GNG7: variants seen among roughly 807,000 people sequenced by gnomAD.
The protein encoded by GNG7 is guanine nucleotide-binding protein G(I)/G(S)/G(O) subunit gamma-7.
GNG7 carries 1 observed loss-of-function variant against 4.0 expected under a neutral mutation model. The observed-to-expected ratio is 0.25, with a 90% CI of 0.09 to 1.18. The LOEUF is 1.18. Ranked by LOEUF, GNG7 falls within the 50% of genes most tolerant of loss-of-function variation. The pLI, the probability that GNG7 is intolerant of heterozygous loss-of-function variation, is 0.50. For synonymous variants in GNG7, 34 were observed against 36.9 expected, an observed-to-expected ratio of 0.92 and a Z score of 0.29; for missense variants, 86 against 91.9, an observed-to-expected ratio of 0.94 and a Z score of 0.26.
chr19:2,674,012 C>T (rs904152369), intron 1 of GNG7, among the ~76,000 whole-genome samples: 2 of 152,234 alleles, frequency 1.3e-5, no homozygotes, highest in South Asian at 2.1e-4. Context: ...GCCTGTAATC[C>T]CAGCACTTTG....
intron 2 of GNG7, among the ~76,000 whole-genome samples, chr19:2,559,196 ATTAT>A (rs1979662043): frequency 6.6e-6 from 1 of 152,024 alleles, no homozygotes; most frequent in Non-Finnish European, 1.5e-5. Flanking sequence ...TTAGATTCTC[ATTAT>A]TTGTGGTAGT....
chr19:2,577,106 G>C (rs2965210), intron 2 of GNG7, among the ~76,000 whole-genome samples: 1 of 152,248 alleles, frequency 6.6e-6, no homozygotes, highest in Non-Finnish European at 1.5e-5. Context: ...GCAAGCTGGG[G>C]CTGTGGGGCA....
chr19:2,633,793 C>T lies in GNG7; in HGVS notation c.-78+12431G>A, dbSNP rs1253239060. On this transcript the variant is annotated intron_variant, in intron 2 of 4. Coordinates refer to ENST00000382159, the MANE Select transcript of GNG7 (RefSeq NM_052847.3). The surrounding 1 kb of genome is among the most constrained non-coding windows in gnomAD (Gnocchi z 5.9). Reference sequence around the variant, plus strand: ...CTCACCCGGGAGGCAGGTTCTTCTGCACCGGGCCTTCTCCCCCCGGCACTG... The same window carrying T: ...CTCACCCGGGAGGCAGGTTCTTCTGTACCGGGCCTTCTCCCCCCGGCACTG... 6.6e-6 allele frequency among the ~76,000 whole-genome samples: 1 copy of T among 152,162 alleles called. No homozygotes were observed. The highest frequency in any genetic ancestry group is 1.9e-4 in the East Asian group (1 of 5,176).
Position 2,611,893 on chromosome 19 carries a change from G to A in GNG7, c.-78+34331C>T, listed in dbSNP as rs12975658. 7 of 145,318 alleles carry A rather than the reference G, an allele frequency of 4.8e-5. No homozygotes were observed. The highest frequency in any genetic ancestry group is 1.5e-4 in the African/African-American group (6 of 39,356). 9.0% of individuals were successfully genotyped at this position (145,318 alleles called of 1,614,324 possible). ...AAAAATAAAAATCTTTTTTTTTTTTGAGATGGAGTCTCGCTCTGTCACCAG... is the reference window on the plus strand; with the variant it reads ...AAAAATAAAAATCTTTTTTTTTTTTAAGATGGAGTCTCGCTCTGTCACCAG... On this transcript the variant is annotated intron_variant, in intron 2 of 4. Transcript: ENST00000382159. This position sits in a 1 kb window ranked among gnomAD's most constrained non-coding sequence, Gnocchi z 6.0.
chr19:2,578,637 G>A (rs1980411564), intron 2 of GNG7, among the ~76,000 whole-genome samples: 1 of 152,168 alleles, frequency 6.6e-6, no homozygotes, highest in African/African-American at 2.4e-5. Flanking sequence ...TTTTCAGCAG[G>A]ACCTCTCCCC....
chr19:2,540,201 A>G (rs1978913382), intron 3 of GNG7, among the ~76,000 whole-genome samples: 1 of 151,400 alleles, frequency 6.6e-6, no homozygotes, highest in African/African-American at 2.4e-5. Flanking sequence ...CCCAGGCTAG[A>G]GTACAGTAGT....
Position 2,633,485 on chromosome 19 carries a change from G to GCACACA in GNG7, c.-78+12738_-78+12739insTGTGTG, listed in dbSNP as rs1294558407. Among the ~76,000 whole-genome samples, 3,264 of 131,722 alleles carry GCACACA rather than the reference G, an allele frequency of 0.025. 53 individuals carry two copies. The highest frequency in any genetic ancestry group is 0.036 in the South Asian group (142 of 3,920). 86.4% of individuals were successfully genotyped at this position (131,722 alleles called of 152,430 possible). A position where few individuals can be genotyped will look rare whatever the true frequency, so the allele number is the denominator to read the frequency against. On this transcript the variant is annotated intron_variant, in intron 2 of 4. Coordinates refer to ENST00000382159, the MANE Select transcript of GNG7 (RefSeq NM_052847.3). This position sits in a 1 kb window ranked among gnomAD's most constrained non-coding sequence, Gnocchi z 5.9. ...CTTAGCAACAGGCGCGCGCGCGCGC[G>GCACACA]CGCACACACACACACACACACACAC... is the stretch of plus-strand genomic sequence containing the variant.
chr19:2,621,322 C>G (rs770141863), intron 2 of GNG7, among the ~76,000 whole-genome samples: 10 of 151,408 alleles, frequency 6.6e-5, no homozygotes, highest in Non-Finnish European at 1.3e-4. Context: ...CCTAGGATTT[C>G]AGGGCTGCAG....
intron 2 of GNG7, among the ~76,000 whole-genome samples, chr19:2,605,234 G>T (rs1282224821): frequency 6.6e-6 from 1 of 152,084 alleles, no homozygotes; most frequent in African/African-American, 2.4e-5. Context: ...GTCTCTCTCT[G>T]TTGCCCAGGT....
chr19:2,670,751 G>A (rs909666093), intron 1 of GNG7, among the ~76,000 whole-genome samples: 11 of 148,112 alleles, frequency 7.4e-5, no homozygotes, highest in Admixed American at 1.3e-4. Context: ...AGGAGCCCTC[G>A]CCCCGCCCCC....
chr19:2,620,260 GGGAGA>G (rs1981833225), intron 2 of GNG7, among the ~76,000 whole-genome samples: 2 of 134,988 alleles, frequency 1.5e-5, no homozygotes, highest in Non-Finnish European at 1.6e-5. Flanking sequence ...GGGAGGGGAG[GGGAGA>G]GGAGAGGACC....
At chr19:2,582,800 C>G (rs189977443) in intron 2 of GNG7, among the ~76,000 whole-genome samples, 157 of 152,018 alleles carry the variant, frequency 1.0e-3, no homozygotes, top group African/African-American at 3.6e-3. Flanking sequence ...TCCCGAGTAG[C>G]TAGGACTGCA....
At chr19:2,658,697 G>A (rs537708582) in intron 1 of GNG7, among the ~76,000 whole-genome samples, 105 of 152,346 alleles carry the variant, frequency 6.9e-4, no homozygotes, top group Non-Finnish European at 1.3e-3. Context: ...CCACGCTTAG[G>A]AGGTCCCTAG....
intron 2 of GNG7, among the ~76,000 whole-genome samples, chr19:2,571,634 C>T (rs28684851): frequency 0.043 from 5,034 of 118,384 alleles, 261 homozygotes; most frequent in African/African-American, 0.13. Context: ...CTTGCTCTGT[C>T]GCCCAGGCTA....
intron 2 of GNG7, among the ~76,000 whole-genome samples, chr19:2,567,906 G>T (rs994895984): frequency 6.6e-6 from 1 of 152,154 alleles, no homozygotes; most frequent in African/African-American, 2.4e-5. Context: ...AGGCATGGAA[G>T]GGAGAGAAGG....
chr19:2,620,080 G>A (rs949134210), intron 2 of GNG7, among the ~76,000 whole-genome samples: 3 of 151,416 alleles, frequency 2.0e-5, no homozygotes, highest in African/African-American at 7.3e-5. Flanking sequence ...GCCTGTATTC[G>A]CAGCTACTTG....
At chr19:2,603,718 G>A (rs1048470240) in intron 2 of GNG7, among the ~76,000 whole-genome samples, 10 of 152,108 alleles carry the variant, frequency 6.6e-5, no homozygotes, top group African/African-American at 2.2e-4. Context: ...TTTATTCACT[G>A]TTCATAGATC....
intron 3 of GNG7, among the ~76,000 whole-genome samples, chr19:2,541,271 A>G (rs1454805801): frequency 6.6e-6 from 1 of 151,954 alleles, no homozygotes; most frequent in Non-Finnish European, 1.5e-5. Context: ...AGGAGTTCAA[A>G]GCCAGCCTGG....
intron 3 of GNG7, among the ~76,000 whole-genome samples, chr19:2,553,615 A>G (rs1599387009): frequency 9.1e-6 from 1 of 110,054 alleles, no homozygotes; most frequent in African/African-American, 3.3e-5. Context: ...ATATCATACT[A>G]CATACATGCA....
Sources: gnomAD v4.1 joint callset for allele counts (sites outside exome capture counted in the v4.1 genomes callset) on GRCh38, gnomAD v4.1.1 for gene constraint, Gnocchi (gnomAD v3.1) non-coding constraint, MANE v1.5 for transcripts, NCBI Gene and HGNC (gene_info 2026-07-23, HGNC 2026-07-21) for gene names.